The following SPATA6 variants were observed in gnomAD, a reference collection of about 807,000 sequenced individuals.
The protein encoded by SPATA6 is spermatogenesis associated 6, also known as spermatogenesis-associated protein 6.
Under a neutral mutation model 65.3 loss-of-function variants are expected in SPATA6, and 56 were observed. The ratio of observed to expected loss-of-function variants is 0.86; its 90% CI spans 0.69 to 1.07. The LOEUF (loss-of-function observed/expected upper bound fraction) is 1.07. Ranked by LOEUF, SPATA6 falls within the 50% of genes least tolerant of loss-of-function variation. The pLI, the probability that SPATA6 is intolerant of heterozygous loss-of-function variation, is 0.00. For synonymous variants in SPATA6, 199 were observed against 213.2 expected (o/e 0.93, Z 0.58); for missense variants, 590 against 594.8 (o/e 0.99, Z 0.08).
chr1:48,354,295 G>T (rs1646595778), intron 11 of SPATA6, among the ~76,000 whole-genome samples: 1 of 152,206 alleles, frequency 6.6e-6, no homozygotes, highest in East Asian at 1.9e-4. Flanking sequence ...TTGGTAGTGG[G>T]AGTGTAACTG....
At chr1:48,362,648 T>A (rs1646849414) in intron 9 of SPATA6, among the ~76,000 whole-genome samples, 2 of 130,634 alleles carry the variant, frequency 1.5e-5, no homozygotes, top group African/African-American at 5.9e-5. Context: ...CACATTCCAA[T>A]GACAATAACT....
intron 9 of SPATA6, among the ~76,000 whole-genome samples, chr1:48,364,542 C>T: frequency 6.6e-6 from 1 of 152,238 alleles, no homozygotes; most frequent in Non-Finnish European, 1.5e-5. Flanking sequence ...TTGCATTTCT[C>T]TGATGGCCAG....
chr1:48,336,904 A>T (rs1646076631), intron 11 of SPATA6, among the ~76,000 whole-genome samples: 1 of 151,976 alleles, frequency 6.6e-6, no homozygotes, highest in Non-Finnish European at 1.5e-5. Flanking sequence ...CAAGTAATAG[A>T]AAACCCAAAT....
At chr1:48,460,720 A>T (rs1570644683) in intron 1 of SPATA6, among the ~76,000 whole-genome samples, 1 of 59,474 alleles carries the variant, frequency 1.7e-5, no homozygotes, top group African/African-American at 3.4e-5. Flanking sequence ...CAGTCACAAA[A>T]TATAAAGTCA....
chr1:48,435,424 C>G (rs1386298936), intron 3 of SPATA6, among the ~76,000 whole-genome samples: 1 of 151,980 alleles, frequency 6.6e-6, no homozygotes, highest in Non-Finnish European at 1.5e-5. Context: ...AATCAGCACT[C>G]TAAAATCGCA....
intron 8 of SPATA6, among the ~76,000 whole-genome samples, chr1:48,394,894 A>G (rs907157688): frequency 6.6e-6 from 1 of 152,026 alleles, no homozygotes; most frequent in Non-Finnish European, 1.5e-5. Flanking sequence ...TAAAGATGAA[A>G]AACCATTCCT....
chr1:48,289,374 T>TA, the SPATA6 span, among the ~76,000 whole-genome samples: 5 of 152,124 alleles, frequency 3.3e-5, no homozygotes, highest in East Asian at 9.7e-4. Context: ...CAAAGGTAGA[T>TA]AAAACCACAA....
intron 11 of SPATA6, among the ~76,000 whole-genome samples, chr1:48,315,993 T>C (rs1018269709): frequency 8.5e-5 from 13 of 152,140 alleles, no homozygotes; most frequent in Non-Finnish European, 1.5e-4. Context: ...GTGAAGGGCC[T>C]CTTCAAGGAG....
At chr1:48,389,962 A>C (rs1330008608) in intron 8 of SPATA6, among the ~76,000 whole-genome samples, 7 of 152,242 alleles carry the variant, frequency 4.6e-5, no homozygotes, top group Non-Finnish European at 8.8e-5. Flanking sequence ...GGACCAAAGA[A>C]TATAGAAAAA....
At chr1:48,428,309 C>G (rs1375413731) in intron 3 of SPATA6, among the ~76,000 whole-genome samples, 1 of 152,146 alleles carries the variant, frequency 6.6e-6, no homozygotes, top group South Asian at 2.1e-4. Context: ...ACAAAAATAG[C>G]TGGGCGTGGT....
intron 3 of SPATA6, among the ~76,000 whole-genome samples, chr1:48,439,536 C>T (rs914223311): frequency 7.9e-5 from 12 of 151,852 alleles, no homozygotes; most frequent in Non-Finnish European, 2.9e-5. Context: ...GTCCAGGGAC[C>T]ATTTGGGTTC....
chr1:48,366,483 T>C (rs1647017330), intron 9 of SPATA6, among the ~76,000 whole-genome samples: 3 of 151,818 alleles, frequency 2.0e-5, no homozygotes, highest in South Asian at 4.2e-4. Flanking sequence ...GAGGCTGTTA[T>C]TGGTCTATTC....
chr1:48,394,329 C>CA (rs1466323024), intron 8 of SPATA6, among the ~76,000 whole-genome samples: 3 of 151,988 alleles, frequency 2.0e-5, no homozygotes, highest in South Asian at 2.1e-4. Context: ...TAAGTGTTGA[C>CA]AAAAAATCTT....
chr1:48,308,332 G>A (rs996912543), intron 11 of SPATA6, among the ~76,000 whole-genome samples: 8 of 151,916 alleles, frequency 5.3e-5, no homozygotes, highest in African/African-American at 1.7e-4. Context: ...AACGGGATAT[G>A]GAAACTTTGC....
chr1:48,435,004 T>C (rs935368126), intron 3 of SPATA6, among the ~76,000 whole-genome samples: 1 of 150,714 alleles, frequency 6.6e-6, no homozygotes, highest in Non-Finnish European at 1.5e-5. Flanking sequence ...AACTAATTTA[T>C]TAAATTATAA....
rs76966255 is a variant in SPATA6, at chr1:48,386,589, G to T, written c.869-1240C>A. On this transcript the variant is annotated intron_variant, in intron 8 of 12. Coordinates refer to ENST00000371847, the MANE Select transcript of SPATA6 (RefSeq NM_019073.4). ...GAAGGAGAAGGAAGCAAGATGGCCT[G>T]TACAGTGAGGACTGGCACCCAAGAG... Among the ~76,000 whole-genome samples the T allele has an allele frequency of 8.5e-3, 1,301 of 152,304 alleles. 21 individuals carry two copies. The highest frequency in any genetic ancestry group is 0.03 in the African/African-American group (1,260 of 41,552).
chr1:48,328,412 A>C (rs1214497659), intron 11 of SPATA6, among the ~76,000 whole-genome samples: 1 of 152,214 alleles, frequency 6.6e-6, no homozygotes, highest in African/African-American at 2.4e-5. Context: ...TATACAATGT[A>C]ATACCATCCA....
the SPATA6 span, among the ~76,000 whole-genome samples, chr1:48,271,081 C>T: frequency 6.6e-6 from 1 of 152,204 alleles, no homozygotes; most frequent in Non-Finnish European, 1.5e-5. Flanking sequence ...ATATTTAAGG[C>T]TCATCTTTGG....
chr1:48,359,562 G>T (rs762386622), intron 10 of SPATA6, 24 bp downstream of exon 10: 10 of 1,608,998 alleles, frequency 6.2e-6, no homozygotes, highest in Middle Eastern at 1.7e-4. Context: ...GATCAGTACA[G>T]AAATGAAGAC....
Sources: allele counts gnomAD v4.1 joint callset (sites outside exome capture counted in the v4.1 genomes callset), GRCh38; gene constraint gnomAD v4.1.1; transcripts MANE v1.5; gene names NCBI Gene and HGNC (gene_info 2026-07-23, HGNC 2026-07-21).